SNX29: variants seen among roughly 807,000 people sequenced by gnomAD.
The protein encoded by SNX29 is sorting nexin-29.
SNX29 carries 78 observed loss-of-function variants against 102.1 expected under a neutral mutation model. The ratio of observed to expected loss-of-function variants is 0.76; its 90% confidence interval spans 0.64 to 0.92. SNX29 has a LOEUF of 0.92. Among genes scored for constraint, SNX29 ranks in the 40% least tolerant of loss-of-function variants. The probability of loss-of-function intolerance (pLI) is 0.00; values close to 1 mark genes in which losing one functional copy is unlikely to be tolerated. For missense variants in SNX29, 1,280 were observed against 1,061.7 expected, an observed-to-expected ratio of 1.21 and a Z score of -2.86; for synonymous variants, 580 against 414.5, an observed-to-expected ratio of 1.40 and a Z score of -4.85.
intron 15 of SNX29, among the ~76,000 whole-genome samples, chr16:12,346,127 A>AT (rs150654238): frequency 0.042 from 6,450 of 152,034 alleles, 441 homozygotes; most frequent in African/African-American, 0.15. Context: ...TAGAAAGATC[A>AT]TTTGAGCGTC....
At chr16:12,021,425 CAA>C (rs35268435) in intron 3 of SNX29, among the ~76,000 whole-genome samples, 10 of 146,408 alleles carry the variant, frequency 6.8e-5, no homozygotes, top group African/African-American at 1.8e-4. Flanking sequence ...GACTCTGACT[CAA>C]AAAAAAAAAA....
At chr16:12,183,875 A>C (rs927188205) in intron 13 of SNX29, among the ~76,000 whole-genome samples, 4 of 152,226 alleles carry the variant, frequency 2.6e-5, no homozygotes, top group Non-Finnish European at 5.9e-5. Context: ...CATCACTGCT[A>C]TGTGACAGTC....
At chr16:12,420,517 T>C (rs1453812115) in intron 18 of SNX29, among the ~76,000 whole-genome samples, 1 of 152,162 alleles carries the variant, frequency 6.6e-6, no homozygotes, top group Non-Finnish European at 1.5e-5. Context: ...TGGCAAGTGT[T>C]TGACATGGAT....
intron 16 of SNX29, among the ~76,000 whole-genome samples, chr16:12,365,591 G>T (rs1183498712): frequency 6.6e-6 from 1 of 151,720 alleles, no homozygotes; most frequent in African/African-American, 2.4e-5. Context: ...TTGGGAGGCT[G>T]AGGCAGGAGA....
intron 18 of SNX29, among the ~76,000 whole-genome samples, chr16:12,421,517 T>A (rs1174911595): frequency 6.6e-6 from 1 of 152,206 alleles, no homozygotes; most frequent in Non-Finnish European, 1.5e-5. Context: ...TATAGGGTGT[T>A]CAAGGAAAAC....
intron 14 of SNX29, among the ~76,000 whole-genome samples, chr16:12,226,233 G>C (rs574527244): frequency 1.3e-5 from 2 of 152,304 alleles, no homozygotes; most frequent in South Asian, 4.1e-4. Flanking sequence ...AATATTGTCT[G>C]GGAGTTTGGG....
chr16:12,383,819 C>G, intron 16 of SNX29, among the ~76,000 whole-genome samples: 1 of 92,460 alleles, frequency 1.1e-5, no homozygotes, highest in African/African-American at 4.4e-5. Context: ...CTTATTCATT[C>G]TTGCTATTTT....
In SNX29 at chr16:12,069,112, A is replaced by G. The variant is rs1641843; in HGVS notation, c.1299A>G (p.Pro433=). 0.44 allele frequency: 713,444 copies of G among 1,612,172 alleles called. 164,527 individuals are homozygous for G. Among genetic ancestry groups the G allele is most frequent in the African/African-American group, 0.73 (54,976 of 74,920 alleles). The change falls in exon 10 of 21, where the codon CCA becomes CCG. Residue 433 remains proline (P), a synonymous_variant. Coordinates refer to ENST00000566228, the MANE Select transcript of SNX29 (RefSeq NM_032167.5). ...CAGGACCAGAGGACCACGTTCTCCC[A>G]GATCCTGGACTTCGGTACAGGTTAA... ...NGTGPEDHVL[P]DPGLRYSVEA... is the part of the protein sequence containing the mutation.
Position 12,403,210 on chromosome 16 carries a change from G to A in SNX29, c.1956-238G>A, listed in dbSNP as rs867416945. On this transcript the variant is annotated intron_variant, in intron 17 of 20. Coordinates refer to ENST00000566228, the MANE Select transcript of SNX29 (RefSeq NM_032167.5). ...GTACAGATTGTGTGTGTATGTGTGT[G>A]TGTGTGTGTGTGTGTGTGTGTGTGT... Among the ~76,000 whole-genome samples the A allele has an allele frequency of 6.4e-3, 725 of 114,128 alleles. 6 individuals are homozygous for A. Among genetic ancestry groups the A allele is most frequent in the East Asian group, 0.013 (52 of 3,916 alleles). The allele number at this position is 114,128 out of a possible 152,430, so 74.9% of individuals were successfully genotyped here. A position where few individuals can be genotyped will look rare whatever the true frequency, so the allele number is the denominator to read the frequency against.
At chr16:11,977,797 G>A (rs2055335825) in intron 1 of SNX29, 1 of 152,276 alleles carries the variant, frequency 6.6e-6, no homozygotes, top group Non-Finnish European at 1.5e-5. Context: ...ATTCCTGGGT[G>A]TTGTATGTGG....
chr16:12,122,791 C>T, intron 11 of SNX29, among the ~76,000 whole-genome samples: 1 of 152,086 alleles, frequency 6.6e-6, no homozygotes, highest in East Asian at 1.9e-4. Context: ...CGGGCTCCAA[C>T]TTTTTCATTG....
chr16:12,041,742 C>T (rs2049887800), intron 4 of SNX29, among the ~76,000 whole-genome samples: 1 of 152,206 alleles, frequency 6.6e-6, no homozygotes, highest in African/African-American at 2.4e-5. Flanking sequence ...TTACGTCAGC[C>T]TCGCAGGGAT....
chr16:11,978,883 C>G (rs2055358206), intron 1 of SNX29, among the ~76,000 whole-genome samples: 1 of 151,896 alleles, frequency 6.6e-6, no homozygotes, highest in Non-Finnish European at 1.5e-5. Context: ...CAAGATCAAG[C>G]CACTGCACTC....
chr16:12,273,698 ACT>A (rs890432389), intron 14 of SNX29, among the ~76,000 whole-genome samples: 1 of 151,828 alleles, frequency 6.6e-6, no homozygotes, highest in African/African-American at 2.4e-5. Flanking sequence ...AACCATCGCC[ACT>A]CTCTAATTCC....
intron 13 of SNX29, among the ~76,000 whole-genome samples, chr16:12,196,929 T>G (rs1228698220): frequency 6.6e-6 from 1 of 152,038 alleles, no homozygotes; most frequent in Admixed American, 6.5e-5. Flanking sequence ...CCAGGTGTGA[T>G]TTTTAGGTGG....
In SNX29 at chr16:12,477,679, A is replaced by C. The variant is rs13335184; in HGVS notation, c.2038-40A>C. ...AGCCGAAATCCTACTCCTTTATAATAAGGGTTTAAGAGGAATTCACATTTT... is the reference window on the plus strand; with the variant it reads ...AGCCGAAATCCTACTCCTTTATAATCAGGGTTTAAGAGGAATTCACATTTT... On this transcript the variant is annotated intron_variant, in intron 18 of 20. Coordinates refer to ENST00000566228, the MANE Select transcript of SNX29 (RefSeq NM_032167.5). The C allele has an allele frequency of 1.8e-3, 2,886 of 1,597,340 alleles. 45 individuals are homozygous for C. The African/African-American group carries it at 0.033, about 18-fold the overall frequency.
chr16:12,087,717 C>T lies in SNX29; in HGVS notation c.1402+8802C>T, dbSNP rs575666945. The T allele has an allele frequency of 3.0e-3, 1,180 of 394,766 alleles. 3 individuals carry two copies. Among genetic ancestry groups the T allele is most frequent in the Middle Eastern group, 5.5e-3 (15 of 2,732 alleles). The allele number at this position is 394,766 out of a possible 1,614,324, so 24.5% of individuals were successfully genotyped here. ...CCCAGAAGGTACAGGCATTACTGGT[C>T]CATTGTACAGATGAGAAAGTCACTG... On this transcript the variant is annotated intron_variant, in intron 11 of 20. Coordinates refer to ENST00000566228, the MANE Select transcript of SNX29 (RefSeq NM_032167.5).
intron 8 of SNX29, among the ~76,000 whole-genome samples, chr16:12,059,073 T>C (rs2050656206): frequency 6.6e-6 from 1 of 152,106 alleles, no homozygotes; most frequent in African/African-American, 2.4e-5. Context: ...TGGCCAGCAA[T>C]CTTTAATGTA....
intron 20 of SNX29, among the ~76,000 whole-genome samples, chr16:12,563,369 A>G (rs1567210489): frequency 6.6e-6 from 1 of 152,218 alleles, no homozygotes; most frequent in African/African-American, 2.4e-5. Context: ...TTTTATCGCC[A>G]CGTTGATATT....
Sources: allele counts gnomAD v4.1 joint callset (sites outside exome capture counted in the v4.1 genomes callset), GRCh38; gene constraint gnomAD v4.1.1; transcripts MANE v1.5; gene names NCBI Gene and HGNC (gene_info 2026-07-23, HGNC 2026-07-21).